The following ARID1A variants were observed in gnomAD, a reference collection of about 807,000 sequenced individuals.
ARID1A encodes the protein AT-rich interaction domain 1A, also known as AT-rich interactive domain-containing protein 1A.
A neutral mutation model predicts 212.6 loss-of-function variants in ARID1A; 20 were observed. That is an observed-to-expected ratio of 0.09 (90% CI 0.07 to 0.14). The LOEUF is 0.14. ARID1A is among the 10% of genes least tolerant of loss of function. The pLI, the probability that ARID1A is intolerant of heterozygous loss-of-function variation, is 1.00. For synonymous variants in ARID1A, 1,376 were observed against 1,222.1 expected (o/e 1.13, Z -2.63); for missense variants, 2,587 against 3,059.0 (o/e 0.85, Z 3.64).
Position 26,779,758 on chromosome 1 carries a change from A to G in ARID1A, c.5860A>G (p.Ile1954Val), listed in dbSNP as rs1195029856. 2 of 1,614,100 alleles carry G rather than the reference A, an allele frequency of 1.2e-6. No homozygotes were observed. Among genetic ancestry groups the G allele is most frequent in the Admixed American group, 3.3e-5 (2 of 60,022 alleles). The change falls in exon 20 of 20, where the codon ATC (isoleucine) becomes GTC (valine). Residue 1954 changes from isoleucine to valine, a missense_variant. Around this residue, in one of 11 missense-constraint regions of ARID1A, gnomAD observed 890 missense variants for 1,098.2 expected, o/e 0.81. Coordinates refer to ENST00000324856, the MANE Select transcript of ARID1A (RefSeq NM_006015.6). ...AGCACAGAGCCACCGGAACATCAAG[A>G]TCCTAGAGGACGAACCCCACAGTAA... is the stretch of plus-strand genomic sequence containing the variant. Reference protein sequence around the residue: ...SPAQSHRNIKILEDEPHSKDE... With the variant: ...SPAQSHRNIKVLEDEPHSKDE...
chr1:26,721,275 G>A (rs552005421), intron 1 of ARID1A, among the ~76,000 whole-genome samples: 1 of 152,174 alleles, frequency 6.6e-6, no homozygotes, highest in Admixed American at 6.5e-5. Context: ...GCAGTGGTGC[G>A]ATCTCGGCTC....
intron 1 of ARID1A, among the ~76,000 whole-genome samples, chr1:26,715,133 C>T (rs374433899): frequency 7.2e-5 from 11 of 152,218 alleles, no homozygotes; most frequent in South Asian, 2.1e-4. Context: ...AGAAAGAAAA[C>T]GAGGCTTTGA....
At position 26,781,116 on chromosome 1, in the gene ARID1A, C is replaced by T. The variant is rs2124155248; in HGVS notation, c.*360C>T. On this transcript the variant is annotated 3_prime_UTR_variant, in exon 20 of 20. Transcript: ENST00000324856. ...TAAAATAAAAATGGCTTTCCCAGTCCTTGCATCAACGGGATGCCACATTTC... is the reference window on the plus strand; with the variant it reads ...TAAAATAAAAATGGCTTTCCCAGTCTTTGCATCAACGGGATGCCACATTTC... The T allele has an allele frequency of 3.8e-6, 1 of 264,194 alleles. No individual in the cohort carries two copies. 16.4% of individuals were successfully genotyped at this position (264,194 alleles called of 1,614,324 possible).
intron 4 of ARID1A, among the ~76,000 whole-genome samples, chr1:26,746,696 A>G (rs960787299): frequency 1.3e-5 from 2 of 151,966 alleles, no homozygotes; most frequent in African/African-American, 4.8e-5. Flanking sequence ...GATTAAGACC[A>G]TCCTGGACAA....
intron 4 of ARID1A, among the ~76,000 whole-genome samples, chr1:26,751,731 A>T (rs532568663): frequency 1.3e-5 from 2 of 152,184 alleles, no homozygotes; most frequent in East Asian, 1.9e-4. Context: ...TTTATCTAAC[A>T]TCCTTTGTAT....
At position 26,696,373 on chromosome 1, in the gene ARID1A, G is replaced by C. The variant is rs1274662499; in HGVS notation, c.-31G>C. On this transcript the variant is annotated 5_prime_UTR_variant, in exon 1 of 20. Coordinates refer to ENST00000324856, the MANE Select transcript of ARID1A (RefSeq NM_006015.6). Reference sequence around the variant, plus strand: ...GGGGGGAGAAGACGAAGACAGGGCCGGGTCTCTCCGCGGACGAGACAGCGG... The same window carrying C: ...GGGGGGAGAAGACGAAGACAGGGCCCGGTCTCTCCGCGGACGAGACAGCGG... The C allele has an allele frequency of 2.8e-5, 35 of 1,238,158 alleles. No individual in the cohort carries two copies. Among genetic ancestry groups the C allele is most frequent in the Non-Finnish European group, 3.4e-5 (34 of 989,878 alleles). The allele number at this position is 1,238,158 out of a possible 1,614,324, so 76.7% of individuals were successfully genotyped here.
At position 26,696,607 on chromosome 1, in the gene ARID1A, G is replaced by C; in HGVS notation, c.204G>C (p.Pro68=). 8.1e-7 allele frequency: 1 copy of C among 1,236,482 alleles called. No individual in the cohort carries two copies. The highest frequency in any genetic ancestry group is 1.0e-6 in the Non-Finnish European group (1 of 991,868). The allele number at this position is 1,236,482 out of a possible 1,614,324, so 76.6% of individuals were successfully genotyped here. The part of the protein sequence containing the change: ...SEGPAVGPPQ[P]LGKELQDGAE... ...GCCCCGCCGTGGGGCCGCCGCAGCC[G>C]CTGGGAAAGGAGCTGCAGGACGGGG... The change falls in exon 1 of 20, where the codon CCG becomes CCC. Residue 68 remains proline (P), a synonymous_variant. Transcript: ENST00000324856.
chr1:26,763,142 G>A lies in ARID1A; in HGVS notation c.2589G>A (p.Met863Ile). The A allele has an allele frequency of 1.2e-6, 2 of 1,614,272 alleles. No individual in the cohort carries two copies. Among genetic ancestry groups the A allele is most frequent in the Non-Finnish European group, 8.5e-7 (1 of 1,180,048 alleles). The change falls in exon 8 of 20, where the codon ATG becomes ATA. Residue 863 changes from methionine to isoleucine, a missense_variant. Met to Ile is a conservative substitution (Grantham distance 10). This residue lies in a region of ARID1A where 674 missense variants were observed against 813.4 expected (regional missense o/e 0.83). Transcript: ENST00000324856. The part of the protein sequence containing the change: ...LPPGRMSHAS[M>I]GNRPYGPNMA... ...CAGGGAGGATGAGTCACGCCTCCAT[G>A]GGCAACCGGCCTTATGGCCCTAACA...
chr1:26,718,666 T>C (rs556661693), intron 1 of ARID1A, among the ~76,000 whole-genome samples: 42 of 152,288 alleles, frequency 2.8e-4, no homozygotes, highest in Non-Finnish European at 4.9e-4. Flanking sequence ...AACGTAGATA[T>C]TATGTAAGTA....
chr1:26,697,845 C>T (rs1300578317), intron 1 of ARID1A, among the ~76,000 whole-genome samples: 1 of 4,980 alleles, frequency 2.0e-4, no homozygotes, highest in Non-Finnish European at 4.0e-4. Flanking sequence ...AGGGCCTGGC[C>T]GGGGGTGAGG....
At chr1:26,709,266 C>G (rs933586020) in intron 1 of ARID1A, among the ~76,000 whole-genome samples, 13 of 152,278 alleles carry the variant, frequency 8.5e-5, no homozygotes, top group Admixed American at 2.0e-4. Flanking sequence ...GTCAATCCCA[C>G]AACTATCTCT....
chr1:26,762,819 C>T (rs556084881), intron 7 of ARID1A, among the ~76,000 whole-genome samples, 154 bp from the exon 8 acceptor site: 1 of 152,250 alleles, frequency 6.6e-6, no homozygotes, highest in Admixed American at 6.5e-5. Flanking sequence ...CTTCTGGAAT[C>T]CCCCCCTTTT....
At chr1:26,708,696 T>C (rs1406396340) in intron 1 of ARID1A, among the ~76,000 whole-genome samples, 2 of 149,682 alleles carry the variant, frequency 1.3e-5, no homozygotes, top group Non-Finnish European at 3.0e-5. Context: ...GGGATTATTG[T>C]CTTTTTTTTT....
intron 4 of ARID1A, among the ~76,000 whole-genome samples, chr1:26,743,557 T>A (rs1022611617): frequency 6.6e-6 from 1 of 151,890 alleles, no homozygotes; most frequent in African/African-American, 2.4e-5. Context: ...AACATTTGGC[T>A]GGGCACGGTG....
rs2124106712 is a variant in ARID1A, at chr1:26,772,837, G to C, written c.3565G>C (p.Asp1189His). The C allele has an allele frequency of 6.2e-7, 1 of 1,614,100 alleles. No individual in the cohort carries two copies. ...CAGGAGCAATTCAGTTGGGATCCAG[G>C]ATGCCTTTAATGATGGAAGTGACTC... ...MSRSNSVGIQDAFNDGSDSTF... is the reference protein window; with the variant it reads ...MSRSNSVGIQHAFNDGSDSTF... Residue 1189 changes from aspartate to histidine, a missense_variant, in exon 14 of 20, where the codon GAT becomes CAT. Physicochemically the swap from Asp to His is moderately conservative, Grantham distance 81. This residue lies in a region of ARID1A where 890 missense variants were observed against 1,098.2 expected (regional missense o/e 0.81). Coordinates refer to ENST00000324856, the MANE Select transcript of ARID1A (RefSeq NM_006015.6).
chr1:26,731,072 G>A lies in ARID1A; in HGVS notation c.1351-80G>A, dbSNP rs980639630. 2.8e-6 allele frequency: 4 copies of A among 1,428,370 alleles called. No individual in the cohort carries two copies. The Admixed American group carries it at 5.1e-5, about 18-fold the overall frequency. 88.5% of individuals were successfully genotyped at this position (1,428,370 alleles called of 1,614,324 possible). On this transcript the variant is annotated intron_variant, in intron 2 of 19. Transcript: ENST00000324856. ...TGCTTGCTTTCTATACTCATCATCAGTGCATAGCTTCTCACAAAACACTTC... is the reference window on the plus strand; with the variant it reads ...TGCTTGCTTTCTATACTCATCATCAATGCATAGCTTCTCACAAAACACTTC...
rs1219313917 is a variant in ARID1A at position 26,762,307 on chromosome 1, T to C, written c.2407T>C (p.Tyr803His). The change falls in exon 7 of 20, where the codon TAT becomes CAT. Residue 803 changes from tyrosine to histidine, a missense_variant. This residue lies in a region of ARID1A where 674 missense variants were observed against 813.4 expected (regional missense o/e 0.83). Transcript: ENST00000324856. Reference sequence around the variant, plus strand: ...GAGCTATGGTCCCCAGGGGGGTCAGTATGGCCCACAAGGTCAGTATACTAC... The same window carrying C: ...GAGCTATGGTCCCCAGGGGGGTCAGCATGGCCCACAAGGTCAGTATACTAC... Reference protein sequence around the residue: ...MGSYGPQGGQYGPQGGYPRQP... With the variant: ...MGSYGPQGGQHGPQGGYPRQP... 11 of 1,613,980 alleles carry C rather than the reference T, an allele frequency of 6.8e-6. No homozygotes were observed. Among genetic ancestry groups the C allele is most frequent in the Non-Finnish European group, 9.3e-6 (11 of 1,179,948 alleles).
chr1:26,763,313 C>G (rs2124070961), intron 8 of ARID1A, 28 bp downstream of exon 8: 2 of 1,557,818 alleles, frequency 1.3e-6, no homozygotes, highest in Non-Finnish European at 1.7e-6. Flanking sequence ...GAGAGGGTGT[C>G]AGTGCAAGAA....
intron 4 of ARID1A, among the ~76,000 whole-genome samples, chr1:26,743,660 C>T (rs1197484171): frequency 6.6e-6 from 1 of 151,600 alleles, no homozygotes; most frequent in African/African-American, 2.4e-5. Flanking sequence ...TGGCGAAACC[C>T]TGTCTCTACT....
Sources: allele counts gnomAD v4.1 joint callset (sites outside exome capture counted in the v4.1 genomes callset), GRCh38; gene constraint gnomAD v4.1.1; regional missense constraint gnomAD v4.1.1; transcripts MANE v1.5; gene names NCBI Gene and HGNC (gene_info 2026-07-23, HGNC 2026-07-21).